BICC1: variants seen among roughly 807,000 people sequenced by gnomAD.
The protein encoded by BICC1 is protein bicaudal C homolog 1.
BICC1 carries 43 observed loss-of-function variants against 111.0 expected under a neutral mutation model. That is an observed-to-expected ratio of 0.39 (90% CI 0.30 to 0.50). BICC1 has a LOEUF of 0.50. BICC1 is among the 20% of genes least tolerant of loss of function. The pLI is 0.88. For missense variants in BICC1, 1,091 were observed against 1,203.2 expected (o/e 0.91, Z 1.38); for synonymous variants, 467 against 434.4 (o/e 1.07, Z -0.93).
intron 1 of BICC1, among the ~76,000 whole-genome samples, chr10:58,610,737 T>C (rs900042771): frequency 6.6e-6 from 1 of 152,150 alleles, no homozygotes; most frequent in Non-Finnish European, 1.5e-5. Context: ...CAGCCTAGAA[T>C]TGGAAATGTA....
chr10:58,696,699 C>T (rs1426237781), intron 2 of BICC1, among the ~76,000 whole-genome samples: 6 of 152,210 alleles, frequency 3.9e-5, no homozygotes, highest in East Asian at 3.9e-4. Context: ...TGAGGATGTC[C>T]GGAAGTTGAA....
Position 58,618,765 on chromosome 10 carries a change from G to A in BICC1, c.191-2090G>A, listed in dbSNP as rs72800590. On this transcript the variant is annotated intron_variant, in intron 1 of 20. Transcript: ENST00000373886. ...TAGTTTGCTTTTGCTGCTGTAACAA[G>A]TTGCCACAGTGTAGTAGCTTAAAAC... Among the ~76,000 whole-genome samples the A allele has an allele frequency of 1.7e-3, 255 of 152,338 alleles. 1 individual carries two copies. The highest frequency in any genetic ancestry group is 2.7e-3 in the Non-Finnish European group (186 of 68,036).
At chr10:58,704,326 A>T (rs1840328633) in intron 3 of BICC1, among the ~76,000 whole-genome samples, 1 of 152,220 alleles carries the variant, frequency 6.6e-6, no homozygotes, top group African/African-American at 2.4e-5. Flanking sequence ...CTTAAAGAGA[A>T]CATGGAAGGG....
chr10:58,699,053 A>G (rs1840151486), intron 2 of BICC1, among the ~76,000 whole-genome samples: 1 of 152,196 alleles, frequency 6.6e-6, no homozygotes, highest in South Asian at 2.1e-4. Context: ...TGTTCCAGAG[A>G]GTCACTTTTT....
chr10:58,525,905 G>A (rs961683096), intron 1 of BICC1, among the ~76,000 whole-genome samples: 1 of 150,868 alleles, frequency 6.6e-6, no homozygotes, highest in Non-Finnish European at 1.5e-5. Context: ...GCAGTTTTCA[G>A]AATTCTGTGG....
intron 2 of BICC1, among the ~76,000 whole-genome samples, chr10:58,678,866 C>T (rs1839427526): frequency 6.6e-6 from 1 of 152,188 alleles, no homozygotes. Context: ...CAAACTAGAA[C>T]TTAGGATTAA....
intron 2 of BICC1, among the ~76,000 whole-genome samples, chr10:58,654,596 G>C (rs1838568844): frequency 2.3e-5 from 2 of 87,434 alleles, no homozygotes; most frequent in South Asian, 1.0e-3. Flanking sequence ...TTTGTCAGAT[G>C]AGTAGGTTGC....
intron 1 of BICC1, among the ~76,000 whole-genome samples, chr10:58,543,180 C>T (rs1431360277): frequency 2.0e-5 from 3 of 151,930 alleles, no homozygotes; most frequent in Admixed American, 6.6e-5. Context: ...GAATATTGCT[C>T]AGGATTAAAA....
chr10:58,546,721 T>A (rs1843146912), intron 1 of BICC1, among the ~76,000 whole-genome samples: 1 of 152,154 alleles, frequency 6.6e-6, no homozygotes, highest in Admixed American at 6.6e-5. Flanking sequence ...AGTAAAAAAC[T>A]TTTTTTAAAA....
intron 2 of BICC1, among the ~76,000 whole-genome samples, chr10:58,644,096 C>G (rs1588965009): frequency 6.6e-6 from 1 of 152,074 alleles, no homozygotes; most frequent in African/African-American, 2.4e-5. Flanking sequence ...TTTCTCCCAG[C>G]TGAGTTAGAT....
chr10:58,548,613 C>T (rs1316579193), intron 1 of BICC1, among the ~76,000 whole-genome samples: 2 of 152,128 alleles, frequency 1.3e-5, no homozygotes, highest in African/African-American at 4.8e-5. Flanking sequence ...CCTAAAAATC[C>T]AATGTGCTAT....
At chr10:58,738,403 T>G (rs1020491600) in intron 3 of BICC1, among the ~76,000 whole-genome samples, 13 of 152,124 alleles carry the variant, frequency 8.5e-5, no homozygotes, top group Non-Finnish European at 2.9e-5. Context: ...GTTGTAGATA[T>G]GCGGCATTGT....
At chr10:58,565,688 CTGAGAAGACTT>C (rs1843733040) in intron 1 of BICC1, among the ~76,000 whole-genome samples, 1 of 152,174 alleles carries the variant, frequency 6.6e-6, no homozygotes, top group African/African-American at 2.4e-5. Context: ...CTCAAAGTCC[CTGAGAAGACTT>C]TGCTATCTTC....
intron 2 of BICC1, among the ~76,000 whole-genome samples, chr10:58,680,984 A>T (rs938728210): frequency 2.0e-5 from 3 of 152,242 alleles, no homozygotes; most frequent in African/African-American, 7.2e-5. Context: ...AGAAAATTGA[A>T]ACTGGACCCC....
At chr10:58,772,823 G>A (rs1249924526) in intron 3 of BICC1, among the ~76,000 whole-genome samples, 1 of 152,150 alleles carries the variant, frequency 6.6e-6, no homozygotes, top group Admixed American at 6.5e-5. Context: ...CAAAAAAGAT[G>A]TGTACTGCAT....
chr10:58,530,693 AAAAAAAAAG>A (rs1172579789), intron 1 of BICC1, among the ~76,000 whole-genome samples: 10 of 140,850 alleles, frequency 7.1e-5, no homozygotes, highest in Non-Finnish European at 4.7e-5. Context: ...GCAAAAAAAA[AAAAAAAAAG>A]AAAATCAGAA....
intron 1 of BICC1, among the ~76,000 whole-genome samples, chr10:58,567,960 A>G (rs898017566): frequency 7.9e-5 from 12 of 152,108 alleles, no homozygotes; most frequent in African/African-American, 2.9e-4. Context: ...TATGTGATCA[A>G]AATGCTCAGG....
chr10:58,593,994 T>C (rs1844724737), intron 1 of BICC1, among the ~76,000 whole-genome samples: 1 of 151,820 alleles, frequency 6.6e-6, no homozygotes, highest in South Asian at 2.1e-4. Context: ...GTGAGACGAA[T>C]TGCTAACTAG....
At chr10:58,629,733 A>G (rs1304199808) in intron 2 of BICC1, among the ~76,000 whole-genome samples, 3 of 152,202 alleles carry the variant, frequency 2.0e-5, no homozygotes, top group Non-Finnish European at 4.4e-5. Context: ...CATCTCATGA[A>G]TCGTTTCTAA....
Sources: gnomAD v4.1 joint callset for allele counts (sites outside exome capture counted in the v4.1 genomes callset) on GRCh38, gnomAD v4.1.1 for gene constraint, MANE v1.5 for transcripts, NCBI Gene and HGNC (gene_info 2026-07-23, HGNC 2026-07-21) for gene names.